Variants in PRKN observed in about 807,000 individuals in gnomAD.
PRKN encodes parkin RBR E3 ubiquitin protein ligase.
A neutral mutation model predicts 59.5 loss-of-function variants in PRKN; 56 were observed. That is an observed-to-expected ratio of 0.94 (90% CI 0.76 to 1.18). The LOEUF (loss-of-function observed/expected upper bound fraction) is 1.18, where lower values mean the gene tolerates loss of function less well. PRKN is among the 50% of genes most tolerant of loss of function. The pLI is 0.00. For missense variants in PRKN, 657 were observed against 596.4 expected (o/e 1.10, Z -1.06); for synonymous variants, 250 against 222.1 (o/e 1.13, Z -1.12).
intron 1 of PRKN, among the ~76,000 whole-genome samples, chr6:162,722,930 C>A (rs1584119020): frequency 6.6e-6 from 1 of 152,042 alleles, no homozygotes; most frequent in Non-Finnish European, 1.5e-5. Flanking sequence ...TTTAGTAGAG[C>A]CTATTTTTGA....
intron 9 of PRKN, among the ~76,000 whole-genome samples, chr6:161,430,369 G>A (rs1788582819): frequency 2.0e-5 from 3 of 152,184 alleles, no homozygotes; most frequent in Admixed American, 2.0e-4. Flanking sequence ...TTCAACATGA[G>A]TTTTGGAGAG....
chr6:161,748,914 G>T (rs1250346493), intron 7 of PRKN, among the ~76,000 whole-genome samples: 1 of 152,180 alleles, frequency 6.6e-6, no homozygotes, highest in Non-Finnish European at 1.5e-5. Flanking sequence ...AAATTCCCTT[G>T]CCTGTCATGT....
chr6:162,258,156 A>C (rs1779732842), intron 3 of PRKN, among the ~76,000 whole-genome samples: 1 of 151,614 alleles, frequency 6.6e-6, no homozygotes, highest in South Asian at 2.1e-4. Context: ...ATATTACGGA[A>C]CTCCCCACCA....
In PRKN at chr6:161,569,461, G is replaced by A. The variant is rs371634667; in HGVS notation, c.872-45C>T. On this transcript the variant is annotated intron_variant, in intron 7 of 11. Coordinates refer to ENST00000366898, the MANE Select transcript of PRKN (RefSeq NM_004562.3). ...ATCACAAAAACGTCACTTTCACTCT[G>A]TGTGGTTATATGTTCTTACACAGAG... The A allele has an allele frequency of 2.0e-4, 305 of 1,506,784 alleles. 1 individual carries two copies. The highest frequency in any genetic ancestry group is 2.6e-4 in the Non-Finnish European group (282 of 1,082,726). The allele number at this position is 1,506,784 out of a possible 1,614,324, so 93.3% of individuals were successfully genotyped here.
intron 1 of PRKN, among the ~76,000 whole-genome samples, chr6:162,610,893 C>T (rs1360891291): frequency 6.6e-6 from 1 of 151,962 alleles, no homozygotes; most frequent in Non-Finnish European, 1.5e-5. Flanking sequence ...GGTTCAATGA[C>T]AAAAATATGC....
At chr6:162,172,702 C>A (rs891387581) in intron 4 of PRKN, among the ~76,000 whole-genome samples, 1 of 152,116 alleles carries the variant, frequency 6.6e-6, no homozygotes, top group Admixed American at 6.6e-5. Context: ...TTGGTTTAGT[C>A]CCTGTTTGTC....
rs185246039 is a variant in PRKN, at chr6:162,355,815, G to A, written c.171+87495C>T. Among the ~76,000 whole-genome samples the A allele has an allele frequency of 2.7e-3, 412 of 152,082 alleles. 1 individual carries two copies. The highest frequency in any genetic ancestry group is 9.4e-3 in the African/African-American group (392 of 41,502). Reference sequence around the variant, plus strand: ...AGTCAGGAACAATGTCTCTGTCTTCGGAAGTCTCCTGTGAAGCAGAATTTG... The same window carrying A: ...AGTCAGGAACAATGTCTCTGTCTTCAGAAGTCTCCTGTGAAGCAGAATTTG... On this transcript the variant is annotated intron_variant, in intron 2 of 11. Coordinates refer to ENST00000366898, the MANE Select transcript of PRKN (RefSeq NM_004562.3).
chr6:161,874,790 A>AAATGTATAATAT (rs1554237938), intron 6 of PRKN, among the ~76,000 whole-genome samples: 1,287 of 13,628 alleles, frequency 0.094, 73 homozygotes, highest in African/African-American at 0.24. Flanking sequence ...ATGTATAATA[A>AAATGTATAATAT]ATAAAATGTA....
intron 4 of PRKN, among the ~76,000 whole-genome samples, chr6:162,185,289 C>T (rs1053550154): frequency 3.3e-5 from 5 of 152,012 alleles, no homozygotes; most frequent in African/African-American, 9.7e-5. Flanking sequence ...CTTACTTTTT[C>T]CCCCCACTAA....
rs751485437 is a variant in PRKN at position 161,350,121 on chromosome 6, C to T, written c.1376G>A (p.Gly459Glu). The T allele has an allele frequency of 5.6e-6, 9 of 1,613,316 alleles. No individual in the cohort carries two copies. The highest frequency in any genetic ancestry group is 1.6e-4 in the Middle Eastern group (1 of 6,080). The part of the protein sequence containing the change: ...CGCEWNRVCM[G>E]DHWFDV Reference sequence around the variant, plus strand: ...TGGCTACACGTCGAACCAGTGGTCCCCCATGCAGACGCGGTTCCACTCGCA... The same window carrying T: ...TGGCTACACGTCGAACCAGTGGTCCTCCATGCAGACGCGGTTCCACTCGCA... Residue 459 changes from glycine (G) to glutamate (E), a missense_variant, in exon 12 of 12, where the codon GGG becomes GAG. Coordinates refer to ENST00000366898, the MANE Select transcript of PRKN (RefSeq NM_004562.3).
chr6:162,358,303 T>C (rs73028993), intron 2 of PRKN, among the ~76,000 whole-genome samples: 32,688 of 152,084 alleles, frequency 0.21, 3,727 homozygotes, highest in Middle Eastern at 0.28. Flanking sequence ...ATTTTTCACT[T>C]GCCATACTGA....
intron 9 of PRKN, among the ~76,000 whole-genome samples, chr6:161,509,522 G>A (rs2115327115): frequency 6.6e-6 from 1 of 152,090 alleles, no homozygotes; most frequent in East Asian, 1.9e-4. Context: ...TTCATGTTAA[G>A]CTGATTTTTT....
intron 4 of PRKN, among the ~76,000 whole-genome samples, chr6:162,186,907 T>A (rs1052517039): frequency 6.6e-6 from 1 of 152,184 alleles, no homozygotes; most frequent in African/African-American, 2.4e-5. Flanking sequence ...AAACTCCTTT[T>A]CTTTGAAAAT....
chr6:161,680,726 C>CACATAT (rs1785285460), intron 7 of PRKN, among the ~76,000 whole-genome samples: 1 of 51,038 alleles, frequency 2.0e-5, no homozygotes. Flanking sequence ...TCCTGAAATA[C>CACATAT]ATATATATAT....
chr6:162,599,302 T>C (rs1399954735), intron 1 of PRKN, among the ~76,000 whole-genome samples: 5 of 152,214 alleles, frequency 3.3e-5, no homozygotes, highest in East Asian at 1.9e-4. Context: ...CGGCAACCAG[T>C]AGGCTTGAAA....
chr6:162,098,691 A>C (rs544308509), intron 4 of PRKN, among the ~76,000 whole-genome samples: 3 of 152,322 alleles, frequency 2.0e-5, no homozygotes, highest in African/African-American at 7.2e-5. Context: ...AAATTTCTAC[A>C]TTATTCCTAC....
At chr6:161,833,582 C>T (rs1443956172) in intron 6 of PRKN, among the ~76,000 whole-genome samples, 2 of 152,114 alleles carry the variant, frequency 1.3e-5, no homozygotes, top group Non-Finnish European at 2.9e-5. Flanking sequence ...CCTGAGCTCT[C>T]CCTCACAGCA....
In PRKN at chr6:161,546,294, C is replaced by T. The variant is rs567301787; in HGVS notation, c.1083+2560G>A. ...TACCCTATTTTAGAGATAAGGAAAC[C>T]GAGAAAGATGAAAACCACAAGTAGT... On this transcript the variant is annotated intron_variant, in intron 9 of 11. Coordinates refer to ENST00000366898, the MANE Select transcript of PRKN (RefSeq NM_004562.3). The surrounding 1 kb of genome is among the most constrained non-coding windows in gnomAD (Gnocchi z 4.4). Among the ~76,000 whole-genome samples, 10 of 152,082 alleles carry T rather than the reference C, an allele frequency of 6.6e-5. No homozygotes were observed. The highest frequency in any genetic ancestry group is 2.2e-4 in the African/African-American group (9 of 41,474).
At position 161,786,923 on chromosome 6, in the gene PRKN, T is replaced by C. The variant is rs191471963; in HGVS notation, c.735-1015A>G. 2.6e-3 allele frequency among the ~76,000 whole-genome samples: 385 copies of C among 150,668 alleles called. 1 individual carries two copies. Among genetic ancestry groups the C allele is most frequent in the African/African-American group, 8.8e-3 (361 of 41,226 alleles). On this transcript the variant is annotated intron_variant, in intron 6 of 11. Transcript: ENST00000366898. ...AAAATACTCTGTAGAAAAAAAAATC[T>C]TAAAAGCCATGTATTTTTACTGGAA...
Sources: allele counts gnomAD v4.1 joint callset (sites outside exome capture counted in the v4.1 genomes callset), GRCh38; gene constraint gnomAD v4.1.1; non-coding constraint Gnocchi (gnomAD v3.1); transcripts MANE v1.5; gene names NCBI Gene and HGNC (gene_info 2026-07-23, HGNC 2026-07-21).